DOCK8: variants seen among roughly 807,000 people sequenced by gnomAD.
DOCK8 encodes dedicator of cytokinesis 8.
Under a neutral mutation model 245.6 loss-of-function variants are expected in DOCK8, and 141 were observed. The ratio of observed to expected loss-of-function variants is 0.57; its 90% CI spans 0.50 to 0.66. The LOEUF (loss-of-function observed/expected upper bound fraction) is 0.66, where lower values mean the gene tolerates loss of function less well. DOCK8 is among the 30% of genes least tolerant of loss of function. The probability of loss-of-function intolerance (pLI) is 0.00; values close to 1 mark genes in which losing one functional copy is unlikely to be tolerated. For missense variants in DOCK8, 2,965 were observed against 2,603.4 expected (o/e 1.14, Z -3.02); for synonymous variants, 1,168 against 970.2 (o/e 1.20, Z -3.79).
intron 1 of DOCK8, among the ~76,000 whole-genome samples, chr9:234,946 G>C (rs2047210823): frequency 1.3e-5 from 2 of 152,190 alleles, no homozygotes; most frequent in Admixed American, 6.5e-5. Context: ...GTGAGGAGCT[G>C]CGTTCCTTTG....
At chr9:352,084 A>G (rs1008880147) in intron 14 of DOCK8, among the ~76,000 whole-genome samples, 2 of 152,168 alleles carry the variant, frequency 1.3e-5, no homozygotes, top group African/African-American at 4.8e-5. Flanking sequence ...TGATGTTGCT[A>G]AACATCAACC....
chr9:416,843 C>T (rs758109159), intron 29 of DOCK8, among the ~76,000 whole-genome samples: 1 of 152,146 alleles, frequency 6.6e-6, no homozygotes, highest in Non-Finnish European at 1.5e-5. Context: ...GTATCTTTCC[C>T]GATTTTTCTT....
chr9:307,338 GTTTTTTTTTTTTTTTTTTTTT>G (rs1165775428), intron 5 of DOCK8, among the ~76,000 whole-genome samples: 11 of 51,216 alleles, frequency 2.1e-4, no homozygotes, highest in Non-Finnish European at 3.4e-4. Flanking sequence ...GGTTTTTTTT[GTTTTTTTTTTTTTTTTTTTTT>G]TTTTTTTTTT....
intron 19 of DOCK8, 29 bp from the exon 20 acceptor site, chr9:376,948 C>T (rs1268109894): frequency 7.5e-6 from 12 of 1,595,802 alleles, no homozygotes; most frequent in Non-Finnish European, 1.0e-5. Context: ...GGTATAAAAC[C>T]CCATGAGGCC....
intron 2 of DOCK8, among the ~76,000 whole-genome samples, chr9:272,650 G>A (rs1483807350): frequency 2.0e-5 from 3 of 152,154 alleles, no homozygotes; most frequent in Admixed American, 6.5e-5. Flanking sequence ...GCCTCCCAAA[G>A]TGCTGGGATT....
chr9:261,339 C>T (rs1007278206), intron 1 of DOCK8, among the ~76,000 whole-genome samples: 1 of 152,260 alleles, frequency 6.6e-6, no homozygotes, highest in East Asian at 1.9e-4. Flanking sequence ...AATCCACTTA[C>T]TTAGCCCAGG....
chr9:216,899 G>T (rs1403631320), intron 1 of DOCK8, among the ~76,000 whole-genome samples: 1 of 152,116 alleles, frequency 6.6e-6, no homozygotes. Flanking sequence ...GCCCTGGTTA[G>T]TGTCTGATCT....
chr9:442,206 G>GT (rs1311709634), intron 42 of DOCK8, among the ~76,000 whole-genome samples, 197 bp downstream of exon 42: 6 of 152,282 alleles, frequency 3.9e-5, no homozygotes, highest in African/African-American at 1.4e-4. Flanking sequence ...TATTTTGATA[G>GT]TTTTTCCCTA....
intron 1 of DOCK8, among the ~76,000 whole-genome samples, chr9:235,929 C>T (rs2047235869): frequency 6.6e-6 from 1 of 152,234 alleles, no homozygotes; most frequent in Non-Finnish European, 1.5e-5. Flanking sequence ...CTGTCTGGCA[C>T]TCCCCAGTGA....
intron 14 of DOCK8, among the ~76,000 whole-genome samples, chr9:345,442 C>T (rs963891209): frequency 2.6e-5 from 4 of 152,138 alleles, no homozygotes; most frequent in East Asian, 1.9e-4. Flanking sequence ...AACTGCAGAG[C>T]CCCCCTGGGT....
chr9:258,592 CTTTTT>C lies in DOCK8; in HGVS notation c.54-13016_54-13012del, dbSNP rs540266063. On this transcript the variant is annotated intron_variant, in intron 1 of 47. Coordinates refer to ENST00000432829, the MANE Select transcript of DOCK8 (RefSeq NM_203447.4). ...ATGATGAAAGGAGCCTGAAGAGACT[CTTTTT>C]TTTTTTTTTTTTTTTTTTGAGATGG... Among the ~76,000 whole-genome samples the C allele has an allele frequency of 2.0e-3, 205 of 100,272 alleles. 1 individual carries two copies. Among genetic ancestry groups the C allele is most frequent in the African/African-American group, 7.0e-3 (175 of 25,044 alleles). 65.8% of individuals were successfully genotyped at this position (100,272 alleles called of 152,430 possible). A position where few individuals can be genotyped will look rare whatever the true frequency, so the allele number is the denominator to read the frequency against.
chr9:395,500 G>T (rs1015800632), intron 24 of DOCK8, among the ~76,000 whole-genome samples: 1 of 151,602 alleles, frequency 6.6e-6, no homozygotes, highest in African/African-American at 2.4e-5. Flanking sequence ...AACACAGAGG[G>T]CAAATGTGGG....
intron 33 of DOCK8, among the ~76,000 whole-genome samples, chr9:422,572 A>C (rs189049392): frequency 7.7e-4 from 117 of 152,352 alleles, no homozygotes; most frequent in African/African-American, 2.7e-3. Flanking sequence ...AAACATTCTA[A>C]ATGCTCCAGA....
At chr9:418,566 C>T (rs2056135810) in intron 30 of DOCK8, among the ~76,000 whole-genome samples, 1 of 152,210 alleles carries the variant, frequency 6.6e-6, no homozygotes, top group Non-Finnish European at 1.5e-5. Context: ...CTGTGCCCAG[C>T]CTCTTCTGTC....
chr9:334,334 T>G lies in DOCK8; in HGVS notation c.1235T>G (p.Phe412Cys). The change falls in exon 11 of 48, where the codon TTC (phenylalanine) becomes TGC (cysteine). Residue 412 changes from phenylalanine (F) to cysteine (C), a missense_variant. Physicochemically the swap from Phe to Cys is radical, Grantham distance 205. Transcript: ENST00000432829. ...GCACCCATAAGCTTATCAAGCTTCT[T>G]CAATGTCTCCACCCTTGAGAGGGAG... Reference protein sequence around the residue: ...AWAPISLSSFFNVSTLEREVT... With the variant: ...AWAPISLSSFCNVSTLEREVT... The G allele has an allele frequency of 6.2e-7, 1 of 1,614,180 alleles. No homozygotes were observed. Among genetic ancestry groups the G allele is most frequent in the Non-Finnish European group, 8.5e-7 (1 of 1,180,012 alleles).
chr9:218,082 C>T (rs2046801534), intron 1 of DOCK8, among the ~76,000 whole-genome samples: 1 of 152,094 alleles, frequency 6.6e-6, no homozygotes, highest in Non-Finnish European at 1.5e-5. Flanking sequence ...TGATGTTTTG[C>T]AATGTTGAAG....
intron 1 of DOCK8, chr9:215,304 C>G (rs1013511978): frequency 1.2e-6 from 2 of 1,606,196 alleles, no homozygotes; most frequent in Non-Finnish European, 1.7e-6. Flanking sequence ...CAACCTCGCC[C>G]GCTCCGCCCT....
rs1421379590 is a variant in DOCK8, at chr9:418,071, C to T, written c.3704C>T (p.Ala1235Val). 1.9e-6 allele frequency: 3 copies of T among 1,614,172 alleles called. No homozygotes were observed. The highest frequency in any genetic ancestry group is 1.1e-5 in the South Asian group (1 of 91,078). Reference sequence around the variant, plus strand: ...ACAAACGATGTTTTCATTGCAGTTGCAGATACTCGCAGATACCGCACCAGT... The same window carrying T: ...ACAAACGATGTTTTCATTGCAGTTGTAGATACTCGCAGATACCGCACCAGT... ...ALPQLCDFTV[A>V]DTRRYRTSGS... The change falls in exon 30 of 48, where the codon GCA becomes GTA. Residue 1235 changes from alanine to valine, a missense_variant. Physicochemically the swap from Ala to Val is moderately conservative, Grantham distance 64. This residue lies in a region of DOCK8 where 2,825 missense variants were observed against 2,453.5 expected (regional missense o/e 1.15). Transcript: ENST00000432829.
intron 26 of DOCK8, among the ~76,000 whole-genome samples, chr9:400,336 T>TCCA (rs1447839424): frequency 2.0e-4 from 1 of 4,958 alleles, no homozygotes; most frequent in Non-Finnish European, 3.2e-4. Flanking sequence ...CACCACCACC[T>TCCA]CCTCCACCAC....
Sources: allele counts gnomAD v4.1 joint callset (sites outside exome capture counted in the v4.1 genomes callset), GRCh38; gene constraint gnomAD v4.1.1; regional missense constraint gnomAD v4.1.1; transcripts MANE v1.5; gene names NCBI Gene and HGNC (gene_info 2026-07-23, HGNC 2026-07-21).